Variants in FBXL2 observed in about 807,000 individuals in gnomAD.
FBXL2 encodes F-box and leucine rich repeat protein 2.
FBXL2 carries 38 observed loss-of-function variants against 69.2 expected under a neutral mutation model. That is an observed-to-expected ratio of 0.55 (90% confidence interval 0.42 to 0.72). FBXL2 has a LOEUF of 0.72. FBXL2 is among the 30% of genes least tolerant of loss of function. FBXL2 has a pLI of 0.00. For missense variants in FBXL2, 354 were observed against 520.3 expected, an observed-to-expected ratio of 0.68 and a Z score of 3.11; for synonymous variants, 192 against 201.3, an observed-to-expected ratio of 0.95 and a Z score of 0.39.
intron 13 of FBXL2, chr3:33,383,630 A>C: frequency 4.1e-6 from 1 of 242,196 alleles, no homozygotes; most frequent in Non-Finnish European, 8.2e-6. Context: ...TCAAGGGGGT[A>C]AACTGAAATC....
intron 2 of FBXL2, among the ~76,000 whole-genome samples, chr3:33,334,381 A>G (rs892067879): frequency 6.6e-6 from 1 of 152,234 alleles, no homozygotes; most frequent in Admixed American, 6.5e-5. Flanking sequence ...TAGAATTTCT[A>G]TAACTGAAAA....
Position 33,364,459 on chromosome 3 carries a change from C to T in FBXL2, c.196-166C>T, listed in dbSNP as rs1342708835. 6 of 646,342 alleles carry T rather than the reference C, an allele frequency of 9.3e-6. No homozygotes were observed. The Admixed American group carries it at 1.4e-4, about 15-fold the overall frequency. The allele number at this position is 646,342 out of a possible 1,614,324, so 40.0% of individuals were successfully genotyped here. A position where few individuals can be genotyped will look rare whatever the true frequency, so the allele number is the denominator to read the frequency against. ...TGGACCATTTTTCAGTGCTTGCAGC[C>T]CCTGTATGCATTAAGGATAGAACTG... On this transcript the variant is annotated intron_variant, in intron 4 of 14. Transcript: ENST00000484457.
chr3:33,286,702 G>A (rs557964713), intron 1 of FBXL2, among the ~76,000 whole-genome samples: 130 of 152,314 alleles, frequency 8.5e-4, no homozygotes, highest in African/African-American at 2.8e-3. Context: ...CGAGCTTCCC[G>A]GCTGCTTTGT....
intron 2 of FBXL2, among the ~76,000 whole-genome samples, chr3:33,310,755 GT>G (rs200013008): frequency 1.3e-5 from 2 of 151,232 alleles, no homozygotes; most frequent in Non-Finnish European, 2.9e-5. Flanking sequence ...AGTAGGGAGG[GT>G]TTTTTTAAAA....
At chr3:33,287,561 G>A (rs955859817) in intron 1 of FBXL2, among the ~76,000 whole-genome samples, 7 of 152,066 alleles carry the variant, frequency 4.6e-5, no homozygotes, top group African/African-American at 7.2e-5. Context: ...CTGCAACTTC[G>A]AATTCTTGGG....
chr3:33,277,366 G>T (rs2033373681), upstream of FBXL2: 1 of 852,822 alleles, frequency 1.2e-6, no homozygotes, highest in Non-Finnish European at 1.6e-6. Context: ...CACCGCCCCT[G>T]CGGGTCACGT....
chr3:33,411,711 T>TA, the FBXL2 span: 2 of 1,578,042 alleles, frequency 1.3e-6, no homozygotes, highest in African/African-American at 2.7e-5. Context: ...AGAAGTTACA[T>TA]AAAAACATCC....
chr3:33,372,863 C>T, intron 5 of FBXL2: 1 of 598,162 alleles, frequency 1.7e-6, no homozygotes, highest in South Asian at 2.0e-5. Context: ...AAAACGTGGT[C>T]CCTAGACTAG....
intron 12 of FBXL2, chr3:33,402,843 G>C: frequency 6.2e-7 from 1 of 1,609,046 alleles, no homozygotes; most frequent in Non-Finnish European, 8.5e-7. Flanking sequence ...GGAGGTGAAA[G>C]TGGGCGCTGG....
At chr3:33,370,417 CAA>C (rs35020611) in intron 5 of FBXL2, among the ~76,000 whole-genome samples, 10 of 129,112 alleles carry the variant, frequency 7.7e-5, no homozygotes, top group East Asian at 4.6e-4. Flanking sequence ...GACTCCGTCT[CAA>C]AAAAAAAAAA....
Position 33,385,670 on chromosome 3 carries a change from C to A in FBXL2, c.*62C>A. Reference sequence around the variant, plus strand: ...CTTTCCTCTAGAAGACCTGAGTCTTCCTGACCGACTCCACCATCACCCAAT... The same window carrying A: ...CTTTCCTCTAGAAGACCTGAGTCTTACTGACCGACTCCACCATCACCCAAT... On this transcript the variant is annotated 3_prime_UTR_variant, in exon 15 of 15. Transcript: ENST00000484457. 1 of 1,302,518 alleles carries A rather than the reference C, an allele frequency of 7.7e-7. No individual in the cohort carries two copies. Among genetic ancestry groups the A allele is most frequent in the Non-Finnish European group, 1.1e-6 (1 of 899,518 alleles). The allele number at this position is 1,302,518 out of a possible 1,614,324, so 80.7% of individuals were successfully genotyped here.
At chr3:33,401,716 G>A (rs1429589189) in intron 12 of FBXL2, among the ~76,000 whole-genome samples, 1 of 152,186 alleles carries the variant, frequency 6.6e-6, no homozygotes, top group Non-Finnish European at 1.5e-5. Flanking sequence ...GGGTCTGTCT[G>A]TTTGGGCACT....
At chr3:33,342,207 G>A (rs1158774397) in intron 2 of FBXL2, among the ~76,000 whole-genome samples, 3 of 151,356 alleles carry the variant, frequency 2.0e-5, no homozygotes, top group African/African-American at 7.3e-5. Context: ...GGGTTTCACC[G>A]TGTTAGCCAG....
chr3:33,369,155 G>A (rs1166954576), intron 5 of FBXL2, among the ~76,000 whole-genome samples: 5 of 151,784 alleles, frequency 3.3e-5, no homozygotes, highest in South Asian at 4.2e-4. Context: ...GGGTTCAAGC[G>A]ATTCTCGTGC....
intron 2 of FBXL2, among the ~76,000 whole-genome samples, chr3:33,329,172 A>G (rs192467634): frequency 2.0e-5 from 3 of 152,334 alleles, no homozygotes; most frequent in East Asian, 1.9e-4. Context: ...AATGTTTAAC[A>G]TCATTAATCA....
In FBXL2 at chr3:33,388,037, T is replaced by G. The variant is rs1405670856; in HGVS notation, c.*2429T>G. On this transcript the variant is annotated 3_prime_UTR_variant, in exon 15 of 15. Transcript: ENST00000484457. ...GTGAGCCGAGATTGCGCCACTGCACTCCAGCCTGGGTGACAGAGCCAGACT... is the reference window on the plus strand; with the variant it reads ...GTGAGCCGAGATTGCGCCACTGCACGCCAGCCTGGGTGACAGAGCCAGACT... 1 of 138,810 alleles carries G rather than the reference T, an allele frequency of 7.2e-6. No individual in the cohort carries two copies. Among genetic ancestry groups the G allele is most frequent in the Admixed American group, 7.7e-5 (1 of 12,978 alleles). 8.6% of individuals were successfully genotyped at this position (138,810 alleles called of 1,614,324 possible). A position where few individuals can be genotyped will look rare whatever the true frequency, so the allele number is the denominator to read the frequency against.
chr3:33,400,922 C>T, intron 12 of FBXL2: 2 of 1,577,406 alleles, frequency 1.3e-6, no homozygotes, highest in Non-Finnish European at 1.7e-6. Context: ...AAATGTAGAA[C>T]CCTGAAAGCA....
At chr3:33,337,735 G>A (rs1368668251) in intron 2 of FBXL2, among the ~76,000 whole-genome samples, 1 of 152,090 alleles carries the variant, frequency 6.6e-6, no homozygotes, top group Non-Finnish European at 1.5e-5. Context: ...CTGCCCAAAG[G>A]CTCTTAGATC....
chr3:33,311,886 G>C (rs2037236641), intron 2 of FBXL2, among the ~76,000 whole-genome samples: 2 of 152,134 alleles, frequency 1.3e-5, no homozygotes, highest in African/African-American at 4.8e-5. Context: ...GCCTCCCAAA[G>C]TGCTGGGATT....
Sources: gnomAD v4.1 joint callset for allele counts (sites outside exome capture counted in the v4.1 genomes callset) on GRCh38, gnomAD v4.1.1 for gene constraint, MANE v1.5 for transcripts, NCBI Gene and HGNC (gene_info 2026-07-23, HGNC 2026-07-21) for gene names.